AFDN: variants seen among roughly 807,000 people sequenced by gnomAD.
The protein encoded by AFDN is afadin.
Under a neutral mutation model 216.6 loss-of-function variants are expected in AFDN, and 68 were observed. The ratio of observed to expected loss-of-function variants is 0.31; its 90% CI spans 0.26 to 0.38. AFDN has a LOEUF of 0.38. Among genes scored for constraint, AFDN ranks in the 10% least tolerant of loss-of-function variants. The probability of loss-of-function intolerance (pLI) is 1.00; values close to 1 mark genes in which losing one functional copy is unlikely to be tolerated. For synonymous variants in AFDN, 868 were observed against 853.7 expected, an observed-to-expected ratio of 1.02 and a Z score of -0.29; for missense variants, 2,136 against 2,342.0, an observed-to-expected ratio of 0.91 and a Z score of 1.82.
intron 30 of AFDN, among the ~76,000 whole-genome samples, chr6:167,957,107 T>C (rs1796597925): frequency 6.6e-6 from 1 of 152,174 alleles, no homozygotes; most frequent in African/African-American, 2.4e-5. Context: ...GGTCCCTGCC[T>C]GTCTCCATGG....
At chr6:167,872,529 A>AG in intron 4 of AFDN, 152 bp downstream of exon 4, 1 of 834,476 alleles carries the variant, frequency 1.2e-6, no homozygotes, top group Non-Finnish European at 1.9e-6. Context: ...TTCTGTGTGG[A>AG]GGGAGGATAG....
At chr6:167,959,109 T>A (rs4708614) in intron 30 of AFDN, among the ~76,000 whole-genome samples, 24,663 of 152,280 alleles carry the variant, frequency 0.16, 2,279 homozygotes, top group African/African-American at 0.24. Flanking sequence ...GTTGTAGGCC[T>A]CTTTGAGCCA....
chr6:167,900,880 T>A (rs935694019), intron 11 of AFDN, among the ~76,000 whole-genome samples: 1 of 152,204 alleles, frequency 6.6e-6, no homozygotes, highest in African/African-American at 2.4e-5. Context: ...TGGTGATAGA[T>A]TATGAGTATT....
At chr6:167,863,046 A>C (rs1212086413) in intron 1 of AFDN, among the ~76,000 whole-genome samples, 4 of 152,118 alleles carry the variant, frequency 2.6e-5, no homozygotes, top group African/African-American at 7.2e-5. Flanking sequence ...TTTGATTTTC[A>C]TAAGTTTGTA....
intron 11 of AFDN, among the ~76,000 whole-genome samples, chr6:167,901,935 A>G (rs1434293161): frequency 6.6e-6 from 1 of 152,022 alleles, no homozygotes; most frequent in Non-Finnish European, 1.5e-5. Flanking sequence ...TCTACAAAAA[A>G]TACAATAATT....
chr6:167,855,173 A>G (rs886126254), intron 1 of AFDN, among the ~76,000 whole-genome samples: 3 of 152,054 alleles, frequency 2.0e-5, no homozygotes, highest in African/African-American at 4.8e-5. Flanking sequence ...TTACTTAAGT[A>G]TTTGAAGTGA....
chr6:167,934,062 C>T (rs955090523), intron 23 of AFDN, among the ~76,000 whole-genome samples: 3 of 152,166 alleles, frequency 2.0e-5, no homozygotes, highest in Non-Finnish European at 4.4e-5. Flanking sequence ...CACCGCTTTG[C>T]GAGGCTAAGG....
At chr6:167,827,660 G>T (rs1190280787) in intron 1 of AFDN, 1 of 150,450 alleles carries the variant, frequency 6.6e-6, no homozygotes, top group Non-Finnish European at 1.5e-5. Flanking sequence ...CCTTCGCCGT[G>T]GCCGGGATGG....
At chr6:167,868,905 A>T (rs1392029557) in intron 2 of AFDN, among the ~76,000 whole-genome samples, 2 of 151,388 alleles carry the variant, frequency 1.3e-5, no homozygotes, top group Non-Finnish European at 2.9e-5. Context: ...TGGGACTGCA[A>T]GCACACACCA....
rs560070190 is a variant in AFDN, at chr6:167,960,034, T to C, written c.4834-2399T>C. Among the ~76,000 whole-genome samples, 310 of 152,342 alleles carry C rather than the reference T, an allele frequency of 2.0e-3. 2 individuals carry two copies. Among genetic ancestry groups the C allele is most frequent in the African/African-American group, 7.2e-3 (301 of 41,576 alleles). ...TAAATTTGTAATTTAAGTTAAAATA[T>C]CCTTTAAGTGTTACTGAATGTGAGT... On this transcript the variant is annotated intron_variant, in intron 30 of 33. Coordinates refer to ENST00000683244, the MANE Select transcript of AFDN (RefSeq NM_001386888.1).
At chr6:167,886,889 C>T (rs915327623) in intron 6 of AFDN, among the ~76,000 whole-genome samples, 22 of 151,934 alleles carry the variant, frequency 1.4e-4, no homozygotes, top group African/African-American at 4.6e-4. Flanking sequence ...GTGGTGGGCA[C>T]CTGTAATCCC....
intron 30 of AFDN, chr6:167,954,476 A>G (rs1216137558): frequency 2.5e-6 from 4 of 1,602,744 alleles, no homozygotes; most frequent in Non-Finnish European, 3.4e-6. Flanking sequence ...TATGCCAGCA[A>G]TCTCTGTTCT....
intron 9 of AFDN, among the ~76,000 whole-genome samples, chr6:167,896,371 A>T (rs1788249565): frequency 6.6e-6 from 1 of 152,224 alleles, no homozygotes; most frequent in South Asian, 2.1e-4. Context: ...CTTAGGCCTC[A>T]TCCCCAAGGA....
At chr6:167,900,183 GA>G (rs1422590730) in intron 11 of AFDN, among the ~76,000 whole-genome samples, 1 of 152,198 alleles carries the variant, frequency 6.6e-6, no homozygotes, top group East Asian at 1.9e-4. Flanking sequence ...CCATAAATTA[GA>G]AAGGACTCTT....
chr6:167,826,640 G>A (rs1001709834), upstream of AFDN: 5 of 488,022 alleles, frequency 1.0e-5, no homozygotes, highest in Admixed American at 6.3e-5. Context: ...CCAGCAGCGC[G>A]CGTCCGAACC....
chr6:167,826,996 CGCGGAGGCGGAGGCAGCCGCGGAG>C lies in AFDN; in HGVS notation c.-126_-103del, dbSNP rs1330104789. On this transcript the variant is annotated 5_prime_UTR_variant, in exon 1 of 34. Coordinates refer to ENST00000683244, the MANE Select transcript of AFDN (RefSeq NM_001386888.1). ...GCCAAGTCGGAGGACGCGGCGCGGC[CGCGGAGGCGGAGGCAGCCGCGGAG>C]GCGGAGGCGGCCGGCGGGGGGTGGC... 40 of 188,392 alleles carry C rather than the reference CGCGGAGGCGGAGGCAGCCGCGGAG, an allele frequency of 2.1e-4. No homozygotes were observed. Among genetic ancestry groups the C allele is most frequent in the East Asian group, 1.3e-3 (7 of 5,256 alleles). The allele number at this position is 188,392 out of a possible 1,614,324, so 11.7% of individuals were successfully genotyped here.
chr6:167,966,899 G>A (rs983424395), intron 32 of AFDN, among the ~76,000 whole-genome samples: 1 of 152,138 alleles, frequency 6.6e-6, no homozygotes, highest in Non-Finnish European at 1.5e-5. Context: ...TCCTCTAACT[G>A]GCTTCACTCC....
chr6:167,956,542 A>G (rs1266159597), intron 30 of AFDN, among the ~76,000 whole-genome samples: 1 of 152,100 alleles, frequency 6.6e-6, no homozygotes, highest in Non-Finnish European at 1.5e-5. Flanking sequence ...TCTAGTCCAA[A>G]CTTCTCACAT....
intron 1 of AFDN, among the ~76,000 whole-genome samples, chr6:167,849,317 G>A (rs141473867): frequency 4.6e-5 from 7 of 152,172 alleles, no homozygotes; most frequent in African/African-American, 1.7e-4. Flanking sequence ...TAACTTGTGG[G>A]GGGGGAGAGA....
Sources: gnomAD v4.1 joint callset for allele counts (sites outside exome capture counted in the v4.1 genomes callset) on GRCh38, gnomAD v4.1.1 for gene constraint, MANE v1.5 for transcripts, NCBI Gene and HGNC (gene_info 2026-07-23, HGNC 2026-07-21) for gene names.